Variants in PRKRA observed in about 807,000 individuals in gnomAD.
PRKRA encodes the protein protein activator of interferon induced protein kinase EIF2AK2, also known as interferon-inducible double-stranded RNA-dependent protein kinase activator A.
Under a neutral mutation model 32.4 loss-of-function variants are expected in PRKRA, and 22 were observed. The observed-to-expected ratio is 0.68, with a 90% CI of 0.49 to 0.97. The LOEUF is 0.97. Ranked by LOEUF, PRKRA falls within the 50% of genes least tolerant of loss-of-function variation. The probability of loss-of-function intolerance (pLI) is 0.00; values close to 1 mark genes in which losing one functional copy is unlikely to be tolerated. For missense variants in PRKRA, 319 were observed against 375.6 expected, an observed-to-expected ratio of 0.85 and a Z score of 1.25; for synonymous variants, 139 against 129.8, an observed-to-expected ratio of 1.07 and a Z score of -0.48.
At position 178,451,015 on chromosome 2, in the gene PRKRA, G is replaced by A; in HGVS notation, c.16C>T (p.His6Tyr). The change falls in exon 1 of 8, where the codon CAC becomes TAC. Residue 6 changes from histidine (H) to tyrosine (Y), a missense_variant. Physicochemically the swap from His to Tyr is moderately conservative, Grantham distance 83. Coordinates refer to ENST00000325748, the MANE Select transcript of PRKRA (RefSeq NM_003690.5). ...TCCAGCGGCGGGGCCTCGGCGCGGTGCCTGCTCTGGGACATGGCGAGAAGG... is the reference window on the plus strand; with the variant it reads ...TCCAGCGGCGGGGCCTCGGCGCGGTACCTGCTCTGGGACATGGCGAGAAGG... MSQSR[H>Y]RAEAPPLERE... 1 of 1,556,326 alleles carries A rather than the reference G, an allele frequency of 6.4e-7. No individual in the cohort carries two copies. Among genetic ancestry groups the A allele is most frequent in the Non-Finnish European group, 8.6e-7 (1 of 1,156,680 alleles).
At chr2:178,436,039 A>C (rs1696879672) in intron 7 of PRKRA, 106 bp downstream of exon 7, 2 of 809,844 alleles carry the variant, frequency 2.5e-6, no homozygotes, top group East Asian at 9.2e-5. Context: ...CCTGATCAAT[A>C]AAATAAATTG....
chr2:178,449,439 A>AT (rs1167090045), intron 2 of PRKRA, among the ~76,000 whole-genome samples: 2 of 152,118 alleles, frequency 1.3e-5, no homozygotes, highest in Non-Finnish European at 1.5e-5. Context: ...TTCCTACTAA[A>AT]TTTTTTTCTT....
rs3997880 is a variant in PRKRA at position 178,431,654 on chromosome 2, A to ACAAT, written c.*439_*442dup. 2.0e-5 allele frequency: 4 copies of ACAAT among 195,772 alleles called. No homozygotes were observed. Among genetic ancestry groups the ACAAT allele is most frequent in the East Asian group, 1.2e-4 (1 of 8,550 alleles). The allele number at this position is 195,772 out of a possible 1,614,324, so 12.1% of individuals were successfully genotyped here. ...GACCAATCATGTTCCCTGAAATTTA[A>ACAAT]CAATCAATCATACTTAATAAAGGCC... On this transcript the variant is annotated 3_prime_UTR_variant, in exon 8 of 8. Coordinates refer to ENST00000325748, the MANE Select transcript of PRKRA (RefSeq NM_003690.5).
At position 178,447,553 on chromosome 2, in the gene PRKRA, C is replaced by A. The variant is rs1559358688; in HGVS notation, c.269G>T (p.Arg90Ile). Residue 90 changes from arginine to isoleucine, a missense_variant, in exon 3 of 8, where the codon AGA becomes ATA. By Grantham distance (97) the Arg-to-Ile change is moderately conservative. Coordinates refer to ENST00000325748, the MANE Select transcript of PRKRA (RefSeq NM_003690.5). ...AATGTTTATGGCAGCCTCTGCAGCT[C>A]TATGTTTCGCCAGCTTCTTACTTGT... The part of the protein sequence containing the change: ...EGTSKKLAKH[R>I]AAEAAINILK... 8 of 1,614,132 alleles carry A rather than the reference C, an allele frequency of 5.0e-6. No homozygotes were observed. Among genetic ancestry groups the A allele is most frequent in the Non-Finnish European group, 6.8e-6 (8 of 1,179,996 alleles).
rs371466034 is a variant in PRKRA, at chr2:178,446,918, G to A, written c.317+587C>T. Among the ~76,000 whole-genome samples, 248 of 149,652 alleles carry A rather than the reference G, an allele frequency of 1.7e-3. 1 individual carries two copies. The highest frequency in any genetic ancestry group is 5.6e-3 in the African/African-American group (226 of 40,678). On this transcript the variant is annotated intron_variant, in intron 3 of 7. Transcript: ENST00000325748. Reference sequence around the variant, plus strand: ...TGAGGCAGGAGAATGGCGTGAACCCGGGAGGCGGAGCTTGCAGTGAGCCGA... The same window carrying A: ...TGAGGCAGGAGAATGGCGTGAACCCAGGAGGCGGAGCTTGCAGTGAGCCGA...
intron 5 of PRKRA, among the ~76,000 whole-genome samples, chr2:178,442,666 A>G (rs894665867): frequency 1.1e-4 from 16 of 152,330 alleles, no homozygotes; most frequent in Admixed American, 1.0e-3. Flanking sequence ...ATTACTTGAA[A>G]CTATTATCTA....
intron 1 of PRKRA, 44 bp downstream of exon 1, chr2:178,450,922 C>T: frequency 8.6e-7 from 1 of 1,161,788 alleles, no homozygotes. Flanking sequence ...GGCCCTGCCG[C>T]CCAACGCTCC....
At chr2:178,435,383 C>CAA (rs765962501) in intron 7 of PRKRA, among the ~76,000 whole-genome samples, 1,614 of 60,868 alleles carry the variant, frequency 0.027, 35 homozygotes, top group East Asian at 0.13. Context: ...TACTCCGTCT[C>CAA]AAAAAAAAAA....
At chr2:178,449,438 A>G (rs547989926) in intron 2 of PRKRA, among the ~76,000 whole-genome samples, 2 of 152,210 alleles carry the variant, frequency 1.3e-5, no homozygotes, top group Non-Finnish European at 2.9e-5. Context: ...CTTCCTACTA[A>G]ATTTTTTTCT....
At chr2:178,444,657 C>T (rs997622252) in intron 3 of PRKRA, among the ~76,000 whole-genome samples, 157 bp from the exon 4 acceptor site, 3 of 152,256 alleles carry the variant, frequency 2.0e-5, no homozygotes, top group South Asian at 2.1e-4. Flanking sequence ...GGAATCTGAT[C>T]GGTCATCCAA....
At position 178,432,007 on chromosome 2, in the gene PRKRA, CAT is replaced by C; in HGVS notation, c.*88_*89del. 1 of 1,406,666 alleles carries C rather than the reference CAT, an allele frequency of 7.1e-7. No homozygotes were observed. Among genetic ancestry groups the C allele is most frequent in the Non-Finnish European group, 9.9e-7 (1 of 1,006,920 alleles). 87.1% of individuals were successfully genotyped at this position (1,406,666 alleles called of 1,614,324 possible). A position where few individuals can be genotyped will look rare whatever the true frequency, so the allele number is the denominator to read the frequency against. On this transcript the variant is annotated 3_prime_UTR_variant, in exon 8 of 8. Coordinates refer to ENST00000325748, the MANE Select transcript of PRKRA (RefSeq NM_003690.5). The stretch of plus-strand genomic sequence containing the variant: ...TCTATGAAGAGATTTAGAAACAAGA[CAT>C]AAACACTACGGTAAAAGTTTTACTT...
intron 6 of PRKRA, 142 bp downstream of exon 6, chr2:178,441,468 A>G: frequency 1.4e-6 from 1 of 701,574 alleles, no homozygotes. Context: ...GCAGCTAAAA[A>G]TGGGGTAGGG....
chr2:178,437,779 C>T (rs961089527), intron 6 of PRKRA, among the ~76,000 whole-genome samples: 12 of 152,308 alleles, frequency 7.9e-5, no homozygotes, highest in African/African-American at 2.9e-4. Flanking sequence ...TTTTATCTTG[C>T]ATGAATAAAG....
intron 5 of PRKRA, 70 bp from the exon 6 acceptor site, chr2:178,441,774 G>A: frequency 8.0e-7 from 1 of 1,256,892 alleles, no homozygotes; most frequent in Non-Finnish European, 1.2e-6. Context: ...TCAAACGTAT[G>A]AAGTACTGTG....
chr2:178,446,849 T>A (rs372486725), intron 3 of PRKRA, among the ~76,000 whole-genome samples: 1 of 151,642 alleles, frequency 6.6e-6, no homozygotes, highest in African/African-American at 2.4e-5. Flanking sequence ...AAAAATTAGC[T>A]GGGCGTAGTG....
chr2:178,447,579 A>C lies in PRKRA; in HGVS notation c.243T>G (p.Gly81=), dbSNP rs745736211. 3.1e-6 allele frequency: 5 copies of C among 1,614,058 alleles called. No homozygotes were observed. In the East Asian group the frequency reaches 1.1e-4, roughly 36 times the overall value. ...TVGDITCTGE[G]TSKKLAKHRA... ...TATGTTTCGCCAGCTTCTTACTTGTACCTTCACCTGAATTAAGATTTAAAA... is the reference window on the plus strand; with the variant it reads ...TATGTTTCGCCAGCTTCTTACTTGTCCCTTCACCTGAATTAAGATTTAAAA... Residue 81 remains glycine (G), a synonymous_variant, in exon 3 of 8, where the codon GGT becomes GGG. Transcript: ENST00000325748.
At chr2:178,450,806 C>A (rs1697579053) in intron 1 of PRKRA, 160 bp downstream of exon 1, 1 of 1,344,660 alleles carries the variant, frequency 7.4e-7, no homozygotes, top group South Asian at 1.9e-5. Flanking sequence ...CAGACCCCAA[C>A]CCTCGCCGCC....
intron 7 of PRKRA, among the ~76,000 whole-genome samples, chr2:178,435,601 TA>T (rs1696857765): frequency 6.6e-6 from 1 of 152,174 alleles, no homozygotes; most frequent in Non-Finnish European, 1.5e-5. Flanking sequence ...AGAATCAGCA[TA>T]CAGTGACAAA....
At chr2:178,435,049 T>G (rs1434794758) in intron 7 of PRKRA, among the ~76,000 whole-genome samples, 1 of 151,610 alleles carries the variant, frequency 6.6e-6, no homozygotes, top group Non-Finnish European at 1.5e-5. Flanking sequence ...AAACCCCGTC[T>G]CTACTAAAAA....
Sources: allele counts gnomAD v4.1 joint callset (sites outside exome capture counted in the v4.1 genomes callset), GRCh38; gene constraint gnomAD v4.1.1; transcripts MANE v1.5; gene names NCBI Gene and HGNC (gene_info 2026-07-23, HGNC 2026-07-21).